Variants in SHISA6 observed in about 807,000 individuals in gnomAD.
SHISA6 encodes the protein shisa family member 6, also known as protein shisa-6.
Under a neutral mutation model 47.9 loss-of-function variants are expected in SHISA6, and 22 were observed. The observed-to-expected ratio is 0.46, with a 90% CI of 0.33 to 0.66. The LOEUF (loss-of-function observed/expected upper bound fraction) is 0.66. Ranked by LOEUF, SHISA6 falls within the 30% of genes least tolerant of loss-of-function variation. The probability of loss-of-function intolerance (pLI) is 0.02; values close to 1 mark genes in which losing one functional copy is unlikely to be tolerated. For missense variants in SHISA6, 680 were observed against 764.6 expected, an observed-to-expected ratio of 0.89 and a Z score of 1.30; for synonymous variants, 388 against 337.8, an observed-to-expected ratio of 1.15 and a Z score of -1.63.
intron 1 of SHISA6, among the ~76,000 whole-genome samples, chr17:11,247,694 CCT>C (rs1278571715): frequency 6.6e-6 from 1 of 151,804 alleles, no homozygotes; most frequent in East Asian, 1.9e-4. Context: ...TGATTTTTCC[CCT>C]CTTTTCTTTA....
chr17:11,499,787 C>T (rs548078163), intron 3 of SHISA6, among the ~76,000 whole-genome samples: 7 of 151,580 alleles, frequency 4.6e-5, no homozygotes, highest in South Asian at 4.2e-4. Flanking sequence ...CTGCAACCTC[C>T]GCCTTCCAGG....
chr17:11,414,889 C>G (rs771840654), intron 3 of SHISA6, among the ~76,000 whole-genome samples: 2 of 151,764 alleles, frequency 1.3e-5, no homozygotes, highest in East Asian at 3.9e-4. Flanking sequence ...AGTTTGAGAC[C>G]AGCCTGGCCA....
intron 1 of SHISA6, among the ~76,000 whole-genome samples, chr17:11,246,178 C>CT (rs1423779296): frequency 2.0e-5 from 3 of 151,122 alleles, no homozygotes; most frequent in Non-Finnish European, 4.4e-5. Flanking sequence ...GCCTTTATTT[C>CT]TTTTTTCTTT....
chr17:11,312,825 C>A (rs531148117), intron 2 of SHISA6, among the ~76,000 whole-genome samples: 3 of 152,124 alleles, frequency 2.0e-5, no homozygotes, highest in South Asian at 2.1e-4. Flanking sequence ...TCTAGGTTGT[C>A]GTTTTTTAAA....
chr17:11,487,925 G>A (rs564021231), intron 3 of SHISA6, among the ~76,000 whole-genome samples: 5 of 152,276 alleles, frequency 3.3e-5, no homozygotes, highest in South Asian at 4.1e-4. Flanking sequence ...CTGGCCAAAT[G>A]TTTGCCCAAG....
At chr17:11,342,570 T>TA (rs1026780956) in intron 2 of SHISA6, among the ~76,000 whole-genome samples, 4 of 152,214 alleles carry the variant, frequency 2.6e-5, no homozygotes, top group African/African-American at 9.6e-5. Flanking sequence ...AATGCACTGA[T>TA]AAAGTTTTTA....
chr17:11,281,783 G>A (rs2142161345), intron 2 of SHISA6, among the ~76,000 whole-genome samples: 1 of 152,240 alleles, frequency 6.6e-6, no homozygotes, highest in South Asian at 2.1e-4. Flanking sequence ...TAAACTACAA[G>A]TTCAATTTTT....
At chr17:11,543,324 C>T (rs905703262) in intron 3 of SHISA6, among the ~76,000 whole-genome samples, 1 of 152,126 alleles carries the variant, frequency 6.6e-6, no homozygotes, top group Non-Finnish European at 1.5e-5. Flanking sequence ...CATTGATGCA[C>T]TGTTGGAACA....
chr17:11,454,553 C>G lies in SHISA6; in HGVS notation c.895+75044C>G, dbSNP rs543639872. On this transcript the variant is annotated intron_variant, in intron 3 of 5. Coordinates refer to ENST00000441885, the MANE Select transcript of SHISA6 (RefSeq NM_207386.4). The stretch of plus-strand genomic sequence containing the variant: ...TTTCCTCTTCATTGTCCTGCACAGT[C>G]AATTAGCCTCCTGTGAGTTCCCAGA... Among the ~76,000 whole-genome samples, 7 of 152,266 alleles carry G rather than the reference C, an allele frequency of 4.6e-5. No individual in the cohort carries two copies. The South Asian group carries it at 1.0e-3, about 23-fold the overall frequency.
intron 3 of SHISA6, among the ~76,000 whole-genome samples, chr17:11,477,349 T>C (rs906082691): frequency 1.3e-5 from 2 of 152,340 alleles, no homozygotes; most frequent in African/African-American, 2.4e-5. Context: ...ATTTTCTTTC[T>C]GTCTTTTGTG....
At chr17:11,266,412 T>C (rs1908426155) in intron 2 of SHISA6, among the ~76,000 whole-genome samples, 1 of 152,232 alleles carries the variant, frequency 6.6e-6, no homozygotes, top group Non-Finnish European at 1.5e-5. Flanking sequence ...TGAGAACCTG[T>C]AATTTGGTGA....
chr17:11,364,982 A>G (rs1038293656), intron 2 of SHISA6, among the ~76,000 whole-genome samples: 1 of 152,180 alleles, frequency 6.6e-6, no homozygotes, highest in African/African-American at 2.4e-5. Flanking sequence ...TAGGTCTTCT[A>G]TTCATGAGGT....
intron 2 of SHISA6, among the ~76,000 whole-genome samples, chr17:11,321,202 G>T (rs1312604818): frequency 1.3e-5 from 2 of 152,176 alleles, no homozygotes; most frequent in Non-Finnish European, 2.9e-5. Context: ...TTGAGGTAGG[G>T]TTAATGGAGA....
chr17:11,285,436 C>A (rs904475200), intron 2 of SHISA6, among the ~76,000 whole-genome samples: 4 of 152,104 alleles, frequency 2.6e-5, no homozygotes, highest in African/African-American at 9.7e-5. Context: ...TCTTGCCTTG[C>A]AGTTGGGAAA....
rs73976920 is a variant in SHISA6, at chr17:11,282,350, A to C, written c.799+18824A>C. On this transcript the variant is annotated intron_variant, in intron 2 of 5. Coordinates refer to ENST00000441885, the MANE Select transcript of SHISA6 (RefSeq NM_207386.4). ...CGAAAGTTCTTTCTCCATAGAAGGTAGGGAAGGGGCAAGAGAGCAAAGGAT... is the reference window on the plus strand; with the variant it reads ...CGAAAGTTCTTTCTCCATAGAAGGTCGGGAAGGGGCAAGAGAGCAAAGGAT... 3.6e-3 allele frequency among the ~76,000 whole-genome samples: 545 copies of C among 152,176 alleles called. 3 individuals are homozygous for C. Among genetic ancestry groups the C allele is most frequent in the African/African-American group, 0.012 (509 of 41,514 alleles).
Position 11,360,508 on chromosome 17 carries a change from C to T in SHISA6, c.800-18906C>T, listed in dbSNP as rs1400398832. On this transcript the variant is annotated intron_variant, in intron 2 of 5. Transcript: ENST00000441885. The stretch of plus-strand genomic sequence containing the variant: ...CCGGGAAGTGGAGGTTGCAGTGAGC[C>T]GAGCCTGTGCCACTGCACTCCAGCC... 6.6e-5 allele frequency among the ~76,000 whole-genome samples: 10 copies of T among 150,750 alleles called. No homozygotes were observed. In the East Asian group the frequency reaches 7.8e-4, roughly 12 times the overall value.
intron 5 of SHISA6, among the ~76,000 whole-genome samples, chr17:11,557,286 T>C (rs992581484): frequency 2.6e-5 from 4 of 152,204 alleles, no homozygotes; most frequent in Non-Finnish European, 5.9e-5. Context: ...AGAGCTGCTA[T>C]TTGGATGTTT....
At chr17:11,399,417 TTTTG>T (rs780216602) in intron 3 of SHISA6, among the ~76,000 whole-genome samples, 6 of 152,072 alleles carry the variant, frequency 3.9e-5, no homozygotes, top group South Asian at 2.1e-4. Flanking sequence ...TTTTTAAAAT[TTTTG>T]TTTGTTTGTT....
chr17:11,373,909 G>A (rs1256657397), intron 2 of SHISA6, among the ~76,000 whole-genome samples: 1 of 152,146 alleles, frequency 6.6e-6, no homozygotes, highest in Admixed American at 6.5e-5. Context: ...ATTTATCTAG[G>A]TTATATACCT....
Sources: gnomAD v4.1 joint callset for allele counts (sites outside exome capture counted in the v4.1 genomes callset) on GRCh38, gnomAD v4.1.1 for gene constraint, MANE v1.5 for transcripts, NCBI Gene and HGNC (gene_info 2026-07-23, HGNC 2026-07-21) for gene names.